The following SP140 variants were observed in gnomAD, a reference collection of about 807,000 sequenced individuals.
SP140 encodes the protein nuclear body protein SP140.
SP140 carries 81 observed loss-of-function variants against 125.0 expected under a neutral mutation model. The ratio of observed to expected loss-of-function variants is 0.65; its 90% CI spans 0.54 to 0.78. The LOEUF (loss-of-function observed/expected upper bound fraction) is 0.78. SP140 is among the 30% of genes least tolerant of loss of function. The probability of loss-of-function intolerance (pLI) is 0.00; values close to 1 mark genes in which losing one functional copy is unlikely to be tolerated. For missense variants in SP140, 858 were observed against 1,037.0 expected (o/e 0.83, Z 2.37); for synonymous variants, 312 against 354.0 (o/e 0.88, Z 1.33).
At chr2:230,258,245 C>T (rs1418972015) in intron 12 of SP140, among the ~76,000 whole-genome samples, 1 of 151,928 alleles carries the variant, frequency 6.6e-6, no homozygotes, top group Non-Finnish European at 1.5e-5. Context: ...GGAAGAGGAC[C>T]CTGGAAACAA....
In SP140 at chr2:230,300,184, G is replaced by A. The variant is rs1043036724; in HGVS notation, c.2058+2722G>A. Among the ~76,000 whole-genome samples, 5 of 152,222 alleles carry A rather than the reference G, an allele frequency of 3.3e-5. No homozygotes were observed. The East Asian group carries it at 7.7e-4, about 24-fold the overall frequency. On this transcript the variant is annotated intron_variant, in intron 22 of 26. Transcript: ENST00000392045. ...CTCTTGAAAGTGCCACCTCCTCGCC[G>A]AAGGTCAGCCAACTCAAGTCATTAC...
chr2:230,267,773 A>C (rs2053350163), intron 12 of SP140, among the ~76,000 whole-genome samples: 1 of 152,238 alleles, frequency 6.6e-6, no homozygotes, highest in Non-Finnish European at 1.5e-5. Flanking sequence ...AATGAAGCAG[A>C]AACTGAAAAG....
chr2:230,288,298 G>A (rs1032634080), intron 18 of SP140, among the ~76,000 whole-genome samples: 1 of 152,190 alleles, frequency 6.6e-6, no homozygotes, highest in African/African-American at 2.4e-5. Context: ...TGACTACTCA[G>A]AAAGCCACAG....
intron 19 of SP140, among the ~76,000 whole-genome samples, 180 bp downstream of exon 19, chr2:230,290,744 C>T (rs2057020684): frequency 6.6e-6 from 1 of 152,176 alleles, no homozygotes. Flanking sequence ...CCACCAGATG[C>T]TCACTTGCAC....
rs41543312 is a variant in SP140 at position 230,208,248 on chromosome 2, C to T, written c.-323+4969C>T. ...TAAAATGACAGAGGAAAAGGAGAAACGAAGAAATAGAGACAGGGAGTTTAG... is the reference window on the plus strand; with the variant it reads ...TAAAATGACAGAGGAAAAGGAGAAATGAAGAAATAGAGACAGGGAGTTTAG... On this transcript the variant is annotated intron_variant, in intron 1 of 4. Transcript: ENST00000456542. 1.6e-4 allele frequency among the ~76,000 whole-genome samples: 25 copies of T among 151,912 alleles called. No homozygotes were observed. The highest frequency in any genetic ancestry group is 2.2e-4 in the Non-Finnish European group (15 of 67,988).
intron 22 of SP140, 123 bp downstream of exon 22, chr2:230,297,585 T>C: frequency 8.8e-7 from 1 of 1,139,426 alleles, no homozygotes; most frequent in Non-Finnish European, 1.3e-6. Flanking sequence ...TGTGGCTGTG[T>C]GAATTCAGTT....
chr2:230,312,595 T>G lies in SP140; in HGVS notation c.2515T>G (p.Phe839Val). 6.2e-7 allele frequency: 1 copy of G among 1,609,364 alleles called. No individual in the cohort carries two copies. Among genetic ancestry groups the G allele is most frequent in the Non-Finnish European group, 8.5e-7 (1 of 1,176,482 alleles). ...TTTATTATTTTTTCAGTACAAGGAT[T>G]TTGGCCAAATGGGATTTAGACTGGA... is the stretch of plus-strand genomic sequence containing the variant. ...NHRASYKYKD[F>V]GQMGFRLEAE... is the part of the protein sequence containing the mutation. The change falls in exon 27 of 27, where the codon TTT (phenylalanine) becomes GTT (valine). Residue 839 changes from phenylalanine to valine, a missense_variant. Coordinates refer to ENST00000392045, the MANE Select transcript of SP140 (RefSeq NM_007237.5).
chr2:230,272,018 A>T (rs1478208475), intron 15 of SP140, among the ~76,000 whole-genome samples: 2 of 152,224 alleles, frequency 1.3e-5, no homozygotes, highest in East Asian at 3.8e-4. Context: ...GAGGTGAAAG[A>T]TCTCTACAAG....
intron 21 of SP140, 68 bp from the exon 22 acceptor site, chr2:230,297,353 T>A: frequency 6.4e-7 from 1 of 1,555,912 alleles, no homozygotes; most frequent in Non-Finnish European, 8.8e-7. Flanking sequence ...ACTATTTAAA[T>A]TTAAATAAGT....
chr2:230,247,425 A>G (rs946851794), intron 7 of SP140, among the ~76,000 whole-genome samples: 1 of 152,026 alleles, frequency 6.6e-6, no homozygotes, highest in African/African-American at 2.4e-5. Flanking sequence ...CCCATCAACC[A>G]TCCAGTAGAC....
intron 22 of SP140, among the ~76,000 whole-genome samples, chr2:230,298,229 T>C (rs1357287128): frequency 6.6e-6 from 1 of 152,202 alleles, no homozygotes; most frequent in African/African-American, 2.4e-5. Flanking sequence ...GTCCCTTCTC[T>C]AAATGAAATC....
rs866226238 is a variant in SP140 at position 230,248,010 on chromosome 2, A to C, written c.837A>C (p.Arg279Ser). 6.2e-7 allele frequency: 1 copy of C among 1,613,858 alleles called. No individual in the cohort carries two copies. The highest frequency in any genetic ancestry group is 2.2e-5 in the East Asian group (1 of 44,874). Reference protein sequence around the residue: ...QGEEEGRNSPRKRNQDKEKYQ... With the variant: ...QGEEEGRNSPSKRNQDKEKYQ... ...AGGAGGAAGGCAGGAACAGTCCCAG[A>C]AAAAGAAACCAAGACAAGGAGAAGT... The change falls in exon 8 of 27, where the codon AGA becomes AGC. Residue 279 changes from arginine to serine, a missense_variant. Physicochemically the swap from Arg to Ser is moderately radical, Grantham distance 110. Around this residue, in one of 4 missense-constraint regions of SP140, gnomAD observed 791 missense variants for 869.5 expected, o/e 0.91. Transcript: ENST00000392045.
chr2:230,249,065 T>A, intron 9 of SP140, 97 bp downstream of exon 9: 2 of 860,918 alleles, frequency 2.3e-6, no homozygotes, highest in South Asian at 3.1e-5. Context: ...ACCCTTCCCT[T>A]CTTCACATTC....
chr2:230,310,614 T>C, intron 23 of SP140, 129 bp from the exon 24 acceptor site: 1 of 1,584,514 alleles, frequency 6.3e-7, no homozygotes, highest in Non-Finnish European at 8.6e-7. Flanking sequence ...TTGCATACTT[T>C]GGGAGGTGTT....
intron 12 of SP140, among the ~76,000 whole-genome samples, chr2:230,260,782 T>C (rs1175084823): frequency 1.3e-5 from 2 of 152,226 alleles, no homozygotes; most frequent in Non-Finnish European, 2.9e-5. Context: ...GGGTTCTCTG[T>C]TCTGTTTCAT....
chr2:230,292,628 G>T lies in SP140; in HGVS notation c.1826-18G>T. 6.2e-7 allele frequency: 1 copy of T among 1,614,132 alleles called. No homozygotes were observed. Among genetic ancestry groups the T allele is most frequent in the Non-Finnish European group, 8.5e-7 (1 of 1,179,982 alleles). ...GGGAAAAAAGAGGGCTCAGGATCAA[G>T]TTACCCTGGTCTTACAGGAATCTTG... is the stretch of plus-strand genomic sequence containing the variant. On this transcript the variant is annotated intron_variant, in intron 19 of 26. Coordinates refer to ENST00000392045, the MANE Select transcript of SP140 (RefSeq NM_007237.5).
intron 12 of SP140, among the ~76,000 whole-genome samples, chr2:230,268,198 A>C (rs572687024): frequency 1.7e-4 from 26 of 152,314 alleles, no homozygotes; most frequent in African/African-American, 6.0e-4. Context: ...GGCATAAGCC[A>C]CCATGCCTGG....
intron 22 of SP140, among the ~76,000 whole-genome samples, chr2:230,301,960 C>G (rs2058318516): frequency 6.6e-6 from 1 of 151,972 alleles, no homozygotes; most frequent in Non-Finnish European, 1.5e-5. Flanking sequence ...AAATGGACAC[C>G]AAAAGCGAGC....
rs554696446 is a variant in SP140, at chr2:230,251,076, G to T, written c.1057+15G>T. ...ATGTGGGTCAGGTAAAGAAGGGGAGGATTTCTGGCCCTGGGCTGCAGAGTG... is the reference window on the plus strand; with the variant it reads ...ATGTGGGTCAGGTAAAGAAGGGGAGTATTTCTGGCCCTGGGCTGCAGAGTG... On this transcript the variant is annotated intron_variant, in intron 10 of 26. Transcript: ENST00000392045. 6.2e-7 allele frequency: 1 copy of T among 1,608,066 alleles called. No individual in the cohort carries two copies. Among genetic ancestry groups the T allele is most frequent in the Non-Finnish European group, 8.5e-7 (1 of 1,176,052 alleles).
Sources: gnomAD v4.1 joint callset for allele counts (sites outside exome capture counted in the v4.1 genomes callset) on GRCh38, gnomAD v4.1.1 for gene constraint, gnomAD v4.1.1 regional missense constraint, MANE v1.5 for transcripts, NCBI Gene and HGNC (gene_info 2026-07-23, HGNC 2026-07-21) for gene names.